Variants in PKD1L3 observed in about 807,000 individuals in gnomAD.
PKD1L3 encodes the protein polycystin 1 like 3, transient receptor potential channel interacting, also known as polycystin-1-like protein 3.
A neutral mutation model predicts 184.1 loss-of-function variants in PKD1L3; 239 were observed. The observed-to-expected ratio is 1.30, with a 90% CI of 1.17 to 1.45. The LOEUF is 1.45. PKD1L3 is among the 40% of genes most tolerant of loss of function. The probability of loss-of-function intolerance (pLI) is 0.00; values close to 1 mark genes in which losing one functional copy is unlikely to be tolerated. For synonymous variants in PKD1L3, 996 were observed against 778.8 expected, an observed-to-expected ratio of 1.28 and a Z score of -4.64; for missense variants, 2,660 against 2,067.2, an observed-to-expected ratio of 1.29 and a Z score of -5.56.
intron 16 of PKD1L3, among the ~76,000 whole-genome samples, chr16:71,955,542 G>T (rs937840883): frequency 1.3e-5 from 2 of 151,996 alleles, no homozygotes; most frequent in Admixed American, 6.6e-5. Flanking sequence ...GGTTGGAGTG[G>T]AGTGCAGTGG....
rs538691939 is a variant in PKD1L3 at position 71,984,294 on chromosome 16, A to C, written c.835-127T>G. 1.8e-4 allele frequency: 152 copies of C among 864,906 alleles called. 1 individual carries two copies. In the African/African-American group the frequency reaches 2.1e-3, roughly 12 times the overall value. The allele number at this position is 864,906 out of a possible 1,614,324, so 53.6% of individuals were successfully genotyped here. ...TAAACCCTATGAACCACAGCTCTCT[A>C]AAACAGTGATTACTTTCAGAAGCTT... On this transcript the variant is annotated intron_variant, in intron 5 of 29. Coordinates refer to ENST00000620267, the MANE Select transcript of PKD1L3 (RefSeq NM_181536.2).
intron 4 of PKD1L3, among the ~76,000 whole-genome samples, chr16:71,987,331 C>T (rs948323005): frequency 6.6e-6 from 1 of 152,038 alleles, no homozygotes; most frequent in Admixed American, 6.6e-5. Flanking sequence ...GGTAATCCTC[C>T]TGCCTCAGCC....
At position 71,986,233 on chromosome 16, in the gene PKD1L3, C is replaced by T. The variant is rs1419018584; in HGVS notation, c.822G>A (p.Lys274=). The T allele has an allele frequency of 6.4e-7, 1 of 1,552,188 alleles. No homozygotes were observed. Among genetic ancestry groups the T allele is most frequent in the African/African-American group, 1.4e-5 (1 of 73,044 alleles). The stretch of plus-strand genomic sequence containing the variant: ...TTCCCATGTTTACCTGACCAGATGC[C>T]TTCTGCAATGACACTTGTAGATAAG... ...FTSYLQVSLQ[K]ASGQVIDEIA... Residue 274 remains lysine, a synonymous_variant, in exon 5 of 30, where the codon AAG becomes AAA. Coordinates refer to ENST00000620267, the MANE Select transcript of PKD1L3 (RefSeq NM_181536.2).
At chr16:71,989,433 G>C (rs987279061) in intron 4 of PKD1L3, among the ~76,000 whole-genome samples, 1 of 152,232 alleles carries the variant, frequency 6.6e-6, no homozygotes, top group Non-Finnish European at 1.5e-5. Flanking sequence ...GATTACGGGC[G>C]TGAGCCACCG....
At chr16:71,966,994 G>A (rs2039523567) in intron 15 of PKD1L3, 143 bp downstream of exon 15, 1 of 948,150 alleles carries the variant, frequency 1.1e-6, no homozygotes, top group African/African-American at 1.7e-5. Flanking sequence ...CTTATTCTGT[G>A]TAGACAGCTT....
At chr16:71,994,029 C>T (rs2040691280) in intron 2 of PKD1L3, among the ~76,000 whole-genome samples, 2 of 152,196 alleles carry the variant, frequency 1.3e-5, no homozygotes, top group African/African-American at 4.8e-5. Flanking sequence ...CTTGGCCTCC[C>T]AAAGTGCTAG....
At chr16:71,953,600 T>G (rs2038933288) in intron 17 of PKD1L3, among the ~76,000 whole-genome samples, 1 of 152,134 alleles carries the variant, frequency 6.6e-6, no homozygotes, top group Non-Finnish European at 1.5e-5. Context: ...GCCACACACT[T>G]TTTTTTAATC....
rs997904270 is a variant in PKD1L3, at chr16:71,977,250, T to C, written c.1745A>G (p.Lys582Arg). The change falls in exon 11 of 30, where the codon AAG becomes AGG. Residue 582 changes from lysine to arginine, a missense_variant. Lys to Arg is a conservative substitution (Grantham distance 26). Coordinates refer to ENST00000620267, the MANE Select transcript of PKD1L3 (RefSeq NM_181536.2). ...FHLNITLPKD[K>R]VWQKDEEYTW... is the part of the protein sequence containing the mutation. The stretch of plus-strand genomic sequence containing the variant: ...TTGGGTTTTACCTTTTTGCCACACC[T>C]TATCCTTTGGAAGGGTGATGTTCAG... The C allele has an allele frequency of 5.9e-6, 9 of 1,528,902 alleles. No homozygotes were observed. The highest frequency in any genetic ancestry group is 8.0e-6 in the Non-Finnish European group (9 of 1,126,248). The allele number at this position is 1,528,902 out of a possible 1,614,324, so 94.7% of individuals were successfully genotyped here.
chr16:71,957,356 C>T (rs1158005325), intron 16 of PKD1L3, among the ~76,000 whole-genome samples: 2 of 151,994 alleles, frequency 1.3e-5, no homozygotes, highest in South Asian at 2.1e-4. Flanking sequence ...ATAAACCTTA[C>T]CTTATTAGTA....
intron 6 of PKD1L3, among the ~76,000 whole-genome samples, chr16:71,982,525 T>C (rs940980421): frequency 6.6e-6 from 1 of 152,096 alleles, no homozygotes; most frequent in Non-Finnish European, 1.5e-5. Context: ...CCTCAGGTGA[T>C]CTTCCTACCC....
chr16:71,946,720 G>A (rs1273969644), intron 22 of PKD1L3, among the ~76,000 whole-genome samples: 3 of 144,106 alleles, frequency 2.1e-5, no homozygotes, highest in African/African-American at 8.0e-5. Context: ...GATTTGTGGG[G>A]CAGGCAAACA....
chr16:71,967,181 G>A lies in PKD1L3; in HGVS notation c.2421C>T (p.His807=). The A allele has an allele frequency of 6.4e-7, 1 of 1,551,750 alleles. No homozygotes were observed. The highest frequency in any genetic ancestry group is 8.7e-7 in the Non-Finnish European group (1 of 1,146,980). ...AATTGTCATGCCAGAGCCGAAGGCT[G>A]TGCAGGTTCCCTAGAGAGGTCCAAG... ...LTTWTSLGNL[H]SLRLWHDNSG... Residue 807 remains histidine, a synonymous_variant, in exon 15 of 30, where the codon CAC becomes CAT. Transcript: ENST00000620267.
rs767359631 is a variant in PKD1L3, at chr16:71,930,094, C to A, written c.5016G>T (p.Ser1672=). Residue 1672 remains serine, a synonymous_variant, in exon 29 of 30, where the codon TCG becomes TCT. Coordinates refer to ENST00000620267, the MANE Select transcript of PKD1L3 (RefSeq NM_181536.2). ...MVLVVINLFV[S]AILMAFGKER... ...CTTTTCCAAAGGCCATGAGAATGGC[C>A]GAAACGAAAAGATTAATTACCACAA... The A allele has an allele frequency of 6.4e-7, 1 of 1,551,006 alleles. No individual in the cohort carries two copies. Among genetic ancestry groups the A allele is most frequent in the South Asian group, 1.2e-5 (1 of 84,012 alleles).
rs550106089 is a variant in PKD1L3 at position 71,973,259 on chromosome 16, G to A, written c.1953+65C>T. 4.8e-4 allele frequency: 713 copies of A among 1,474,618 alleles called. 5 individuals are homozygous for A. The African/African-American group carries it at 6.3e-3, about 13-fold the overall frequency. 91.3% of individuals were successfully genotyped at this position (1,474,618 alleles called of 1,614,324 possible). On this transcript the variant is annotated intron_variant, in intron 12 of 29. Transcript: ENST00000620267. ...TCTGGGCTGCCCCAAATGAGATAAC[G>A]GATGCATTGGGCTTAACAGTAGCTA...
chr16:71,940,628 T>G (rs1423429540), intron 24 of PKD1L3, among the ~76,000 whole-genome samples: 5 of 151,818 alleles, frequency 3.3e-5, no homozygotes, highest in African/African-American at 1.2e-4. Flanking sequence ...GCCTCCTGAG[T>G]AGCTGGGATT....
chr16:71,936,706 C>T (rs1030044674), intron 25 of PKD1L3, among the ~76,000 whole-genome samples: 9 of 152,102 alleles, frequency 5.9e-5, no homozygotes, highest in East Asian at 1.9e-4. Flanking sequence ...AGGCTGGTCT[C>T]GAACTCCCTC....
chr16:71,980,902 C>T (rs1370086346), intron 7 of PKD1L3, among the ~76,000 whole-genome samples: 3 of 152,176 alleles, frequency 2.0e-5, no homozygotes, highest in Non-Finnish European at 4.4e-5. Flanking sequence ...GTCCCTCTAG[C>T]TCTAGGCAAC....
At chr16:71,991,956 G>A (rs921101876) in intron 3 of PKD1L3, among the ~76,000 whole-genome samples, 2 of 152,122 alleles carry the variant, frequency 1.3e-5, no homozygotes, top group Non-Finnish European at 2.9e-5. Context: ...TATAGGCATG[G>A]ACCACCACAT....
chr16:71,940,537 T>C (rs1051326591), intron 24 of PKD1L3, among the ~76,000 whole-genome samples: 1 of 152,068 alleles, frequency 6.6e-6, no homozygotes, highest in African/African-American at 2.4e-5. Flanking sequence ...TCTCACTCTG[T>C]CCCCCAGGCT....
Sources: gnomAD v4.1 joint callset for allele counts (sites outside exome capture counted in the v4.1 genomes callset) on GRCh38, gnomAD v4.1.1 for gene constraint, MANE v1.5 for transcripts, NCBI Gene and HGNC (gene_info 2026-07-23, HGNC 2026-07-21) for gene names.